FLYWCH1: variants seen among roughly 807,000 people sequenced by gnomAD.
FLYWCH1 encodes FLYWCH-type zinc finger-containing protein 1.
A neutral mutation model predicts 66.4 loss-of-function variants in FLYWCH1; 75 were observed. That is an observed-to-expected ratio of 1.13 (90% confidence interval 0.94 to 1.37). The LOEUF is 1.37. Among genes scored for constraint, FLYWCH1 ranks in the 40% most tolerant of loss-of-function variants. The probability of loss-of-function intolerance (pLI) is 0.00; values close to 1 mark genes in which losing one functional copy is unlikely to be tolerated. For synonymous variants in FLYWCH1, 595 were observed against 429.9 expected (o/e 1.38, Z -4.75); for missense variants, 1,334 against 1,001.8 (o/e 1.33, Z -4.48).
intron 6 of FLYWCH1, chr16:2,936,901 C>A: frequency 3.0e-6 from 2 of 672,574 alleles, no homozygotes; most frequent in East Asian, 2.8e-5. Flanking sequence ...CCGCCACCTG[C>A]AGGGGCCTCA....
chr16:2,920,783 T>G (rs567903391), intron 2 of FLYWCH1, among the ~76,000 whole-genome samples: 3 of 150,592 alleles, frequency 2.0e-5, no homozygotes, highest in Non-Finnish European at 4.4e-5. Context: ...TCAGGTGATC[T>G]GCCCACCTTG....
rs1398529605 is a variant in FLYWCH1 at position 2,948,917 on chromosome 16, G to C, written c.*190G>C. ...TGGATGGTGTCCTCATGTCGGCGGA[G>C]AACAGTGCTCAGAGCTGGCGCTTGC... On this transcript the variant is annotated 3_prime_UTR_variant, in exon 10 of 10. Coordinates refer to ENST00000253928, the MANE Select transcript of FLYWCH1 (RefSeq NM_001308068.2). The C allele has an allele frequency of 5.1e-6, 3 of 586,910 alleles. No homozygotes were observed. The highest frequency in any genetic ancestry group is 9.1e-6 in the Non-Finnish European group (3 of 328,346). The allele number at this position is 586,910 out of a possible 1,614,324, so 36.4% of individuals were successfully genotyped here.
chr16:2,941,788 C>T (rs1338351625), intron 9 of FLYWCH1, among the ~76,000 whole-genome samples: 1 of 151,296 alleles, frequency 6.6e-6, no homozygotes, highest in Non-Finnish European at 1.5e-5. Flanking sequence ...ACTGGGAGAC[C>T]GAGGGAGGTA....
At chr16:2,920,211 A>G (rs190738741) in intron 2 of FLYWCH1, among the ~76,000 whole-genome samples, 1 of 152,254 alleles carries the variant, frequency 6.6e-6, no homozygotes. Flanking sequence ...TTTGATGAGT[A>G]AACCAAACCC....
chr16:2,932,789 G>C (rs867578125), intron 4 of FLYWCH1, among the ~76,000 whole-genome samples: 1 of 152,012 alleles, frequency 6.6e-6, no homozygotes, highest in African/African-American at 2.4e-5. Flanking sequence ...GGCCCCTCCC[G>C]GTGTAACCTT....
chr16:2,917,596 G>T (rs181189592), intron 2 of FLYWCH1, among the ~76,000 whole-genome samples: 1 of 152,142 alleles, frequency 6.6e-6, no homozygotes, highest in African/African-American at 2.4e-5. Context: ...AGATGATGTA[G>T]ATAAAATACT....
Position 2,933,290 on chromosome 16 carries a change from G to C in FLYWCH1, c.957G>C (p.Gln319His). ...GCTGCCGGAGCCGGGCCATCACCCA[G>C]GGACAGCGGGTGACTGTGATGCGTG... ...LHGCRSRAIT[Q>H]GQRVTVMRGH... Residue 319 changes from glutamine to histidine, a missense_variant, in exon 5 of 10, where the codon CAG becomes CAC. By Grantham distance (24) the Gln-to-His change is conservative. Coordinates refer to ENST00000253928, the MANE Select transcript of FLYWCH1 (RefSeq NM_001308068.2). The C allele has an allele frequency of 1.2e-6, 2 of 1,612,378 alleles. No individual in the cohort carries two copies. The highest frequency in any genetic ancestry group is 1.1e-5 in the South Asian group (1 of 90,908).
chr16:2,942,302 C>T (rs537465193), intron 9 of FLYWCH1, among the ~76,000 whole-genome samples: 17 of 152,054 alleles, frequency 1.1e-4, no homozygotes, highest in African/African-American at 3.9e-4. Context: ...CACGCACCAC[C>T]ACGCCTGGCT....
At chr16:2,921,725 G>A (rs926845840) in intron 2 of FLYWCH1, among the ~76,000 whole-genome samples, 7 of 151,622 alleles carry the variant, frequency 4.6e-5, no homozygotes, top group Admixed American at 3.3e-4. Flanking sequence ...ACCACACTCC[G>A]GTTTAGGCTG....
chr16:2,946,093 A>T (rs12448636), intron 9 of FLYWCH1, among the ~76,000 whole-genome samples: 40,121 of 152,032 alleles, frequency 0.26, 6,632 homozygotes, highest in African/African-American at 0.45. Context: ...GAGTGTAATT[A>T]AAAAAAGCAA....
intron 6 of FLYWCH1, chr16:2,935,951 C>T (rs1460241173): frequency 6.5e-6 from 1 of 153,474 alleles, no homozygotes; most frequent in African/African-American, 2.4e-5. Context: ...CTCTTGTCGC[C>T]CAGGCTGGAG....
chr16:2,930,607 G>A lies in FLYWCH1; in HGVS notation c.523G>A (p.Ala175Thr), dbSNP rs780307376. 58 of 1,551,766 alleles carry A rather than the reference G, an allele frequency of 3.7e-5. No homozygotes were observed. The highest frequency in any genetic ancestry group is 4.7e-5 in the South Asian group (4 of 84,270). ...CACAGTGATGCGGGGCCACTGCCAC[G>A]CGCCCGATGAGCAAGGCCTGGAGGC... ...RATVMRGHCH[A>T]PDEQGLEARR... The change falls in exon 4 of 10, where the codon GCG becomes ACG. Residue 175 changes from alanine (A) to threonine (T), a missense_variant. Ala to Thr is a moderately conservative substitution (Grantham distance 58). Coordinates refer to ENST00000253928, the MANE Select transcript of FLYWCH1 (RefSeq NM_001308068.2).
rs2071587131 is a variant in FLYWCH1, at chr16:2,948,739, C to A, written c.*12C>A. ...GCGAGTCCCAGTGAGGCGATGTGGGCAGAGGAGCTCCGAGCCGCCCACCCA... is the reference window on the plus strand; with the variant it reads ...GCGAGTCCCAGTGAGGCGATGTGGGAAGAGGAGCTCCGAGCCGCCCACCCA... On this transcript the variant is annotated 3_prime_UTR_variant, in exon 10 of 10. Coordinates refer to ENST00000253928, the MANE Select transcript of FLYWCH1 (RefSeq NM_001308068.2). 3 of 1,613,668 alleles carry A rather than the reference C, an allele frequency of 1.9e-6. No homozygotes were observed. Among genetic ancestry groups the A allele is most frequent in the Non-Finnish European group, 1.7e-6 (2 of 1,179,612 alleles).
At chr16:2,943,853 C>T (rs1290296983) in intron 9 of FLYWCH1, among the ~76,000 whole-genome samples, 2 of 152,106 alleles carry the variant, frequency 1.3e-5, no homozygotes, top group Non-Finnish European at 2.9e-5. Flanking sequence ...AGGAGAATCA[C>T]TTGAACCCGG....
At position 2,937,288 on chromosome 16, in the gene FLYWCH1, G is replaced by A. The variant is rs117763371; in HGVS notation, c.1681G>A (p.Val561Ile). The change falls in exon 7 of 10, where the codon GTC (valine) becomes ATC (isoleucine). Residue 561 changes from valine (V) to isoleucine (I), a missense_variant. By Grantham distance (29) the Val-to-Ile change is conservative. Coordinates refer to ENST00000253928, the MANE Select transcript of FLYWCH1 (RefSeq NM_001308068.2). ...CATCACCCAGGGCCGGCGGGTCATG[G>A]TCATGCGCAGGCACTGCCACCCACC... is the stretch of plus-strand genomic sequence containing the variant. The part of the protein sequence containing the change: ...RAITQGRRVM[V>I]MRRHCHPPDL... 4,992 of 1,604,602 alleles carry A rather than the reference G, an allele frequency of 3.1e-3. 12 individuals are homozygous for A. The highest frequency in any genetic ancestry group is 3.6e-3 in the Non-Finnish European group (4,271 of 1,176,704).
At chr16:2,920,645 T>C (rs921058182) in intron 2 of FLYWCH1, among the ~76,000 whole-genome samples, 1 of 151,380 alleles carries the variant, frequency 6.6e-6, no homozygotes, top group Non-Finnish European at 1.5e-5. Context: ...TGCAATAGCG[T>C]GAGCTCCTGC....
At position 2,940,139 on chromosome 16, in the gene FLYWCH1, C is replaced by G. The variant is rs78828490; in HGVS notation, c.2111+47C>G. On this transcript the variant is annotated intron_variant, in intron 9 of 9. Coordinates refer to ENST00000253928, the MANE Select transcript of FLYWCH1 (RefSeq NM_001308068.2). The stretch of plus-strand genomic sequence containing the variant: ...TGGTGCATGACCAATTACAACAAAA[C>G]GTAGTGGGCTTAAAACAACAAATAT... The G allele has an allele frequency of 3.2e-3, 2,827 of 890,938 alleles. 41 individuals carry two copies. Among genetic ancestry groups the G allele is most frequent in the African/African-American group, 0.021 (1,302 of 60,808 alleles). The allele number at this position is 890,938 out of a possible 1,614,324, so 55.2% of individuals were successfully genotyped here.
intron 6 of FLYWCH1, 126 bp from the exon 7 acceptor site, chr16:2,936,994 TG>T: frequency 8.4e-7 from 1 of 1,184,900 alleles, no homozygotes. Flanking sequence ...ATCTGTGTCC[TG>T]GGCTCCGGGG....
rs776081414 is a variant in FLYWCH1 at position 2,940,072 on chromosome 16, T to C, written c.2091T>C (p.Pro697=). 29 of 1,475,902 alleles carry C rather than the reference T, an allele frequency of 2.0e-5. No individual in the cohort carries two copies. Among genetic ancestry groups the C allele is most frequent in the Middle Eastern group, 3.4e-4 (2 of 5,858 alleles). 91.4% of individuals were successfully genotyped at this position (1,475,902 alleles called of 1,614,324 possible). The change falls in exon 9 of 10, where the codon CCT becomes CCC. Residue 697 remains proline, a synonymous_variant. Transcript: ENST00000253928. ...AGCTGTGCTTCAAGACGTGTTCTCC[T>C]GAAAGCCAGCAGATTTATGGGTAAT... ...QVQLCFKTCS[P]ESQQIYGDIK... is the part of the protein sequence containing the mutation.
Sources: allele counts gnomAD v4.1 joint callset (sites outside exome capture counted in the v4.1 genomes callset), GRCh38; gene constraint gnomAD v4.1.1; transcripts MANE v1.5; gene names NCBI Gene and HGNC (gene_info 2026-07-23, HGNC 2026-07-21).